The following FAM153A variants were observed in gnomAD, a reference collection of about 807,000 sequenced individuals.
FAM153A encodes the protein protein FAM153A.
Under a neutral mutation model 48.1 loss-of-function variants are expected in FAM153A, and 12 were observed. The observed-to-expected ratio is 0.25, with a 90% CI of 0.16 to 0.40. FAM153A has a LOEUF of 0.40. FAM153A is among the 10% of genes least tolerant of loss of function. The pLI is 1.00. For missense variants in FAM153A, 111 were observed against 345.8 expected (o/e 0.32, Z 5.38); for synonymous variants, 36 against 118.2 (o/e 0.30, Z 4.51).
upstream of FAM153A, chr5:177,781,782 C>T (rs1456378996): frequency 2.1e-5 from 2 of 96,230 alleles, 1 homozygote; most frequent in Non-Finnish European, 4.4e-5. Flanking sequence ...GCAGTGGCGC[C>T]ATCTCGGCTC....
chr5:177,745,912 C>T (rs1489379895), intron 4 of FAM153A, among the ~76,000 whole-genome samples: 1 of 151,320 alleles, frequency 6.6e-6, no homozygotes, highest in East Asian at 1.9e-4. Flanking sequence ...CTCAAACAAA[C>T]CCTGGGTTAG....
chr5:177,699,266 C>T, the FAM153A span, among the ~76,000 whole-genome samples: 1 of 151,368 alleles, frequency 6.6e-6, no homozygotes, highest in Non-Finnish European at 1.5e-5. Context: ...ATAACTTAAA[C>T]TTCCACTTTA....
chr5:177,697,190 C>T, the FAM153A span, among the ~76,000 whole-genome samples: 3 of 150,840 alleles, frequency 2.0e-5, no homozygotes. Flanking sequence ...TATCCCTAAG[C>T]ATTTTATTGT....
At chr5:177,711,245 T>C (rs1324829487) in exon 27 of FAM153A, 2 of 151,862 alleles carry the variant, frequency 1.3e-5, no homozygotes, top group Non-Finnish European at 2.9e-5. Flanking sequence ...TGTGTAAAAT[T>C]TTAATTTTTT....
intron 11 of FAM153A, 152 bp from the exon 14 acceptor site, chr5:177,736,761 A>T: frequency 6.4e-6 from 1 of 156,324 alleles, no homozygotes; most frequent in Non-Finnish European, 1.1e-5. Flanking sequence ...GAAAGGCACA[A>T]GATTTTTGTG....
chr5:177,715,222 T>C (rs911856236), intron 25 of FAM153A, among the ~76,000 whole-genome samples: 9 of 151,814 alleles, frequency 5.9e-5, no homozygotes, highest in Admixed American at 5.2e-4. Context: ...GACCTTGTGA[T>C]CCGTCTGCCT....
At chr5:177,708,830 C>G (rs532520130), downstream of FAM153A, among the ~76,000 whole-genome samples, 2 of 151,544 alleles carry the variant, frequency 1.3e-5, no homozygotes, top group Non-Finnish European at 2.9e-5. Flanking sequence ...CTCAGTGGCT[C>G]ACGCCTGTAA....
chr5:177,700,271 AAAGTC>A, the FAM153A span, among the ~76,000 whole-genome samples: 1 of 151,986 alleles, frequency 6.6e-6, no homozygotes, highest in Non-Finnish European at 1.5e-5. Flanking sequence ...CTTTCTCCCT[AAAGTC>A]AAGAACAAAT....
rs1161806647 is a variant in FAM153A at position 177,771,580 on chromosome 5, G to A, written c.-57+8869C>T. ...TTCATATAGCAGGAGAGAGACTGCC[G>A]TCCTCAGAAAGACCCGCATGCAAGC... On this transcript the variant is annotated intron_variant, in intron 1 of 8. Transcript: ENST00000393518. 3.1e-5 allele frequency among the ~76,000 whole-genome samples: 3 copies of A among 95,562 alleles called. 1 individual carries two copies. The highest frequency in any genetic ancestry group is 8.3e-5 in the African/African-American group (2 of 24,138). The allele number at this position is 95,562 out of a possible 152,430, so 62.7% of individuals were successfully genotyped here.
rs891370602 is a variant in FAM153A, at chr5:177,713,491, T to G, written c.*1391+257A>C. On this transcript the variant is annotated intron_variant and NMD_transcript_variant, in intron 26 of 26. Coordinates refer to the FAM153A transcript ENST00000360669. ...CCAGGACGGTCTCGATCTCCTGACC[T>G]CGTGATCCGCCCACCTCAGCCTCCC... Among the ~76,000 whole-genome samples, 10 of 151,580 alleles carry G rather than the reference T, an allele frequency of 6.6e-5. 1 individual carries two copies. Among genetic ancestry groups the G allele is most frequent in the Admixed American group, 2.0e-4 (3 of 15,218 alleles).
intron 4 of FAM153A, among the ~76,000 whole-genome samples, chr5:177,746,321 A>G (rs1765986599): frequency 6.8e-6 from 1 of 147,352 alleles, no homozygotes; most frequent in Admixed American, 6.7e-5. Context: ...TCCCATGCCC[A>G]GCTAATTTTG....
chr5:177,735,170 C>G (rs984426200), intron 12 of FAM153A, among the ~76,000 whole-genome samples: 1 of 150,418 alleles, frequency 6.6e-6, no homozygotes, highest in Non-Finnish European at 1.5e-5. Context: ...CCTCTTAGGG[C>G]TCCTCCTTCC....
At chr5:177,695,776 G>C in the FAM153A span, among the ~76,000 whole-genome samples, 1 of 151,468 alleles carries the variant, frequency 6.6e-6, no homozygotes, top group East Asian at 1.9e-4. Context: ...GTCTCTTCGG[G>C]GCTGTTGGGT....
chr5:177,758,762 T>C (rs1304873524), intron 1 of FAM153A, among the ~76,000 whole-genome samples: 1 of 148,254 alleles, frequency 6.7e-6, no homozygotes, highest in Non-Finnish European at 1.5e-5. Context: ...CTGGGAAAAC[T>C]GGCTAGCCAT....
downstream of FAM153A, among the ~76,000 whole-genome samples, chr5:177,703,716 G>C (rs367702875): frequency 0.093 from 3,704 of 39,812 alleles, 62 homozygotes; most frequent in East Asian, 0.26. Context: ...CGGGCATGGT[G>C]GGGGGTGATT....
intron 10 of FAM153A, among the ~76,000 whole-genome samples, chr5:177,738,667 C>T (rs3913373): frequency 0.64 from 96,785 of 150,080 alleles, 33,295 homozygotes; most frequent in South Asian, 0.8. Context: ...TCTCCAGCTG[C>T]GTACTGGGGA....
downstream of FAM153A, among the ~76,000 whole-genome samples, chr5:177,710,098 T>A (rs1468195534): frequency 2.7e-5 from 4 of 148,752 alleles, 1 homozygote; most frequent in African/African-American, 5.1e-5. Flanking sequence ...GTTCTGTATA[T>A]GGTAGTGTTT....
intron 25 of FAM153A, among the ~76,000 whole-genome samples, chr5:177,715,899 C>G (rs1352486712): frequency 3.3e-5 from 5 of 151,520 alleles, no homozygotes; most frequent in African/African-American, 1.2e-4. Context: ...TGGTGTCAAA[C>G]TCCTGGTTTA....
chr5:177,697,670 C>A, the FAM153A span, among the ~76,000 whole-genome samples: 3 of 151,864 alleles, frequency 2.0e-5, no homozygotes, highest in Admixed American at 6.6e-5. Flanking sequence ...CCCCTGGTAC[C>A]TGGGGGTTCT....
Sources: allele counts gnomAD v4.1 joint callset (sites outside exome capture counted in the v4.1 genomes callset), GRCh38; gene constraint gnomAD v4.1.1; transcripts MANE v1.5; gene names NCBI Gene and HGNC (gene_info 2026-07-23, HGNC 2026-07-21).